The following VIT variants were observed in gnomAD, a reference collection of about 807,000 sequenced individuals.
VIT encodes vitrin.
Under a neutral mutation model 78.0 loss-of-function variants are expected in VIT, and 99 were observed. The ratio of observed to expected loss-of-function variants is 1.27; its 90% CI spans 1.08 to 1.50. VIT has a LOEUF of 1.50. Ranked by LOEUF, VIT falls within the 40% of genes most tolerant of loss-of-function variation. The probability of loss-of-function intolerance (pLI) is 0.00; values close to 1 mark genes in which losing one functional copy is unlikely to be tolerated. For synonymous variants in VIT, 374 were observed against 334.3 expected (o/e 1.12, Z -1.29); for missense variants, 1,126 against 875.3 (o/e 1.29, Z -3.61).
intron 15 of VIT, 111 bp from the exon 16 acceptor site, chr2:36,814,072 C>A: frequency 2.3e-6 from 3 of 1,321,676 alleles, no homozygotes; most frequent in South Asian, 1.5e-5. Context: ...TTTGTTTGGG[C>A]ATATTTCTGA....
chr2:36,712,729 G>A (rs559147241), intron 1 of VIT, among the ~76,000 whole-genome samples: 11 of 152,286 alleles, frequency 7.2e-5, no homozygotes, highest in South Asian at 2.1e-4. Context: ...CCAGCTACTC[G>A]GGAGGCTGAG....
chr2:36,807,101 C>T (rs371904899), intron 14 of VIT, among the ~76,000 whole-genome samples: 3 of 152,208 alleles, frequency 2.0e-5, no homozygotes, highest in Non-Finnish European at 2.9e-5. Flanking sequence ...CTCCTCTTTC[C>T]CTCGCCTGAC....
chr2:36,792,816 C>T (rs1314108561), intron 12 of VIT, among the ~76,000 whole-genome samples: 1 of 152,180 alleles, frequency 6.6e-6, no homozygotes, highest in Non-Finnish European at 1.5e-5. Context: ...GAGCTCCACC[C>T]TCCTCCCTTT....
intron 2 of VIT, among the ~76,000 whole-genome samples, chr2:36,721,158 A>G (rs761114110): frequency 6.6e-6 from 1 of 152,238 alleles, no homozygotes; most frequent in Non-Finnish European, 1.5e-5. Flanking sequence ...CACCACACAC[A>G]TAAAAATTGT....
chr2:36,787,406 A>G (rs1665181082), intron 12 of VIT, 130 bp downstream of exon 12: 1 of 1,250,324 alleles, frequency 8.0e-7, no homozygotes, highest in African/African-American at 1.5e-5. Context: ...CTCTTCCCTA[A>G]TGCAAATGTA....
intron 5 of VIT, among the ~76,000 whole-genome samples, chr2:36,756,497 T>G (rs1011991218): frequency 9.2e-5 from 14 of 152,306 alleles, no homozygotes; most frequent in Admixed American, 2.0e-4. Flanking sequence ...TTTCTAGCAC[T>G]GCTAGGCACC....
intron 12 of VIT, among the ~76,000 whole-genome samples, chr2:36,793,758 A>G (rs1665665622): frequency 6.6e-6 from 1 of 152,176 alleles, no homozygotes; most frequent in African/African-American, 2.4e-5. Context: ...ATGATTAGTT[A>G]ATATTTCTCT....
chr2:36,751,328 G>A (rs539006537), intron 4 of VIT, among the ~76,000 whole-genome samples: 91 of 152,286 alleles, frequency 6.0e-4, no homozygotes, highest in Middle Eastern at 3.4e-3. Flanking sequence ...CCTGGAAGGC[G>A]GAGGTTGCAG....
At chr2:36,698,494 T>C (rs1489147986) in intron 1 of VIT, among the ~76,000 whole-genome samples, 1 of 152,226 alleles carries the variant, frequency 6.6e-6, no homozygotes, top group Non-Finnish European at 1.5e-5. Flanking sequence ...CACTACCTAT[T>C]ACCTTGGAAA....
intron 1 of VIT, among the ~76,000 whole-genome samples, chr2:36,712,047 G>A (rs1008601203): frequency 2.0e-5 from 3 of 152,196 alleles, no homozygotes; most frequent in African/African-American, 4.8e-5. Context: ...GCGTTGCCAT[G>A]TGCCCCACAG....
chr2:36,711,062 A>C (rs983162993), intron 1 of VIT, among the ~76,000 whole-genome samples: 3 of 152,092 alleles, frequency 2.0e-5, no homozygotes, highest in Non-Finnish European at 2.9e-5. Context: ...ATCCTCACCA[A>C]CACTTGGTAG....
At chr2:36,774,411 A>G in intron 8 of VIT, 1 of 806,190 alleles carries the variant, frequency 1.2e-6, no homozygotes, top group Non-Finnish European at 1.5e-6. Context: ...AGAAAGGAAA[A>G]TCTAGCAGGG....
intron 7 of VIT, among the ~76,000 whole-genome samples, chr2:36,768,297 T>G (rs970517601): frequency 1.3e-5 from 2 of 152,082 alleles, no homozygotes; most frequent in African/African-American, 4.8e-5. Flanking sequence ...CCAGGTGTGG[T>G]GGCACGTGCC....
chr2:36,777,347 T>A (rs1227871862), intron 9 of VIT, among the ~76,000 whole-genome samples: 1 of 152,010 alleles, frequency 6.6e-6, no homozygotes, highest in South Asian at 2.1e-4. Context: ...AGACTTCATG[T>A]CTTTTTTTAT....
At chr2:36,777,925 G>A (rs948482203) in intron 9 of VIT, among the ~76,000 whole-genome samples, 4 of 152,108 alleles carry the variant, frequency 2.6e-5, no homozygotes, top group African/African-American at 9.7e-5. Context: ...CCTCCTTTGT[G>A]TTTAGATCAA....
chr2:36,776,889 A>T (rs1184851960), intron 9 of VIT, among the ~76,000 whole-genome samples: 1 of 151,592 alleles, frequency 6.6e-6, no homozygotes, highest in African/African-American at 2.4e-5. Flanking sequence ...GGAGATCGAG[A>T]CCATCCCGGC....
chr2:36,768,115 A>T (rs1204168197), intron 7 of VIT, among the ~76,000 whole-genome samples: 2 of 151,998 alleles, frequency 1.3e-5, no homozygotes, highest in Non-Finnish European at 2.9e-5. Context: ...CCAGCTACCT[A>T]CCTATCCATC....
intron 4 of VIT, among the ~76,000 whole-genome samples, chr2:36,744,218 C>T (rs550734387): frequency 6.6e-6 from 1 of 152,172 alleles, no homozygotes; most frequent in Non-Finnish European, 1.5e-5. Context: ...CTGATAGACA[C>T]CTTCGTTGGT....
intron 9 of VIT, among the ~76,000 whole-genome samples, chr2:36,775,676 C>T (rs1670005911): frequency 6.6e-6 from 1 of 152,180 alleles, no homozygotes; most frequent in Non-Finnish European, 1.5e-5. Flanking sequence ...CCTAGATGTT[C>T]CTTTACCTTC....
Sources: allele counts gnomAD v4.1 joint callset (sites outside exome capture counted in the v4.1 genomes callset), GRCh38; gene constraint gnomAD v4.1.1; transcripts MANE v1.5; gene names NCBI Gene and HGNC (gene_info 2026-07-23, HGNC 2026-07-21).